Variants in DAB1 observed in about 807,000 individuals in gnomAD.
DAB1 encodes the protein DAB adaptor protein 1.
A neutral mutation model predicts 64.6 loss-of-function variants in DAB1; 15 were observed. The ratio of observed to expected loss-of-function variants is 0.23; its 90% CI spans 0.16 to 0.36. The LOEUF (loss-of-function observed/expected upper bound fraction) is 0.36. Among genes scored for constraint, DAB1 ranks in the 10% least tolerant of loss-of-function variants. DAB1 has a pLI of 1.00. For synonymous variants in DAB1, 235 were observed against 251.9 expected (o/e 0.93, Z 0.64); for missense variants, 596 against 706.7 (o/e 0.84, Z 1.78).
At chr1:57,293,655 T>A (rs1672964222) in intron 1 of DAB1, among the ~76,000 whole-genome samples, 1 of 152,210 alleles carries the variant, frequency 6.6e-6, no homozygotes. Context: ...AATTTTGCTG[T>A]CTCAGGATGA....
chr1:57,357,907 CG>C (rs1679249644), intron 1 of DAB1, among the ~76,000 whole-genome samples: 1 of 151,860 alleles, frequency 6.6e-6, no homozygotes, highest in African/African-American at 2.4e-5. Context: ...ATGGGGATTA[CG>C]GGAACTACAA....
intron 1 of DAB1, among the ~76,000 whole-genome samples, chr1:57,870,107 T>C (rs1643914262): frequency 6.6e-6 from 1 of 152,142 alleles, no homozygotes; most frequent in Non-Finnish European, 1.5e-5. Context: ...ATGGGGGCAA[T>C]CATACCTACC....
chr1:57,695,401 A>G (rs201014058), intron 6 of DAB1, among the ~76,000 whole-genome samples: 2 of 89,840 alleles, frequency 2.2e-5, no homozygotes, highest in African/African-American at 4.0e-5. Flanking sequence ...AGAAAGAAAG[A>G]AAGAAAGAAA....
chr1:57,507,359 A>G (rs1644356199), intron 7 of DAB1, among the ~76,000 whole-genome samples: 1 of 152,176 alleles, frequency 6.6e-6, no homozygotes, highest in Non-Finnish European at 1.5e-5. Flanking sequence ...TGTCCCACTT[A>G]ATCACAAGGT....
At chr1:58,186,976 G>A (rs1657112576) in intron 4 of DAB1, among the ~76,000 whole-genome samples, 2 of 152,144 alleles carry the variant, frequency 1.3e-5, no homozygotes, top group African/African-American at 4.8e-5. Flanking sequence ...GAGTGAGACA[G>A]CACTACTAAA....
chr1:58,430,464 G>T (rs1644859947), intron 3 of DAB1, among the ~76,000 whole-genome samples: 1 of 152,152 alleles, frequency 6.6e-6, no homozygotes, highest in Admixed American at 6.5e-5. Flanking sequence ...AAAAAAGGAG[G>T]ACAAGAAGAA....
At chr1:58,432,478 A>G (rs572249944) in intron 3 of DAB1, among the ~76,000 whole-genome samples, 1 of 152,272 alleles carries the variant, frequency 6.6e-6, no homozygotes, top group African/African-American at 2.4e-5. Flanking sequence ...GAATGAATAA[A>G]TGAGTCAAGA....
rs186896879 is a variant in DAB1 at position 57,097,902 on chromosome 1, C to T, written c.307-25488G>A. Among the ~76,000 whole-genome samples the T allele has an allele frequency of 5.2e-3, 787 of 152,100 alleles. 6 individuals carry two copies. Among genetic ancestry groups the T allele is most frequent in the African/African-American group, 0.018 (749 of 41,498 alleles). On this transcript the variant is annotated intron_variant, in intron 4 of 14. Coordinates refer to ENST00000371236, the MANE Select transcript of DAB1 (RefSeq NM_001365792.1). ...ATGCCATTCTCCTCCCTCAGCCTCC[C>T]GAATAGCTGGGACCACAGGTGTCCA...
intron 5 of DAB1, among the ~76,000 whole-genome samples, chr1:58,025,674 T>G (rs1248624708): frequency 7.0e-6 from 1 of 143,882 alleles, no homozygotes; most frequent in Non-Finnish European, 1.5e-5. Flanking sequence ...TATATATATA[T>G]ATATATATAT....
At chr1:58,264,132 T>C (rs1261880162) in intron 4 of DAB1, among the ~76,000 whole-genome samples, 2 of 152,240 alleles carry the variant, frequency 1.3e-5, no homozygotes, top group African/African-American at 4.8e-5. Context: ...TACTTACCAG[T>C]AGCCATCAAA....
At chr1:57,152,643 A>G (rs1659801982) in intron 2 of DAB1, among the ~76,000 whole-genome samples, 1 of 152,252 alleles carries the variant, frequency 6.6e-6, no homozygotes, top group Non-Finnish European at 1.5e-5. Flanking sequence ...TGCTCAATGA[A>G]TGTTCATAGG....
chr1:57,973,284 G>A (rs1025585375), intron 5 of DAB1, among the ~76,000 whole-genome samples: 1 of 152,150 alleles, frequency 6.6e-6, no homozygotes, highest in Admixed American at 6.6e-5. Flanking sequence ...AAGAGGCAAG[G>A]ACTGCATTCT....
intron 4 of DAB1, among the ~76,000 whole-genome samples, chr1:57,133,744 T>TA (rs1261149833): frequency 2.0e-5 from 3 of 152,122 alleles, no homozygotes; most frequent in East Asian, 3.9e-4. Context: ...TCTTGGTTTT[T>TA]AAAAAAAGTG....
At chr1:58,454,130 G>A (rs892743997) in intron 3 of DAB1, among the ~76,000 whole-genome samples, 1 of 152,112 alleles carries the variant, frequency 6.6e-6, no homozygotes, top group Non-Finnish European at 1.5e-5. Flanking sequence ...GCTTCGACTG[G>A]GCATTCACCT....
intron 2 of DAB1, among the ~76,000 whole-genome samples, chr1:57,150,904 C>A (rs1569603552): frequency 6.6e-6 from 1 of 152,228 alleles, no homozygotes; most frequent in East Asian, 1.9e-4. Flanking sequence ...ACCTGCAATC[C>A]CAGCACTTTG....
At chr1:57,400,455 G>T (rs1683154241) in intron 1 of DAB1, among the ~76,000 whole-genome samples, 1 of 151,762 alleles carries the variant, frequency 6.6e-6, no homozygotes. Context: ...CCCAATAAGT[G>T]CAAAGTAGAT....
chr1:57,777,677 A>C (rs935305470), intron 6 of DAB1, among the ~76,000 whole-genome samples: 10 of 151,862 alleles, frequency 6.6e-5, no homozygotes, highest in Non-Finnish European at 1.3e-4. Flanking sequence ...AGTTTCCTTT[A>C]AGTCTATGAA....
In DAB1 at chr1:57,522,936, C is replaced by G. The variant is rs115047090; in HGVS notation, n.625+126656G>C. ...GTTCTTCGGCTTTTGAACGCTTGGA[C>G]TTACACCAGTGATTTGCCAGGGGCT... On this transcript the variant is annotated intron_variant and non_coding_transcript_variant, in intron 7 of 20. Coordinates refer to the DAB1 transcript ENST00000485760. Among the ~76,000 whole-genome samples, 943 of 152,268 alleles carry G rather than the reference C, an allele frequency of 6.2e-3. 9 individuals carry two copies. Among genetic ancestry groups the G allele is most frequent in the African/African-American group, 0.019 (786 of 41,546 alleles).
intron 9 of DAB1, among the ~76,000 whole-genome samples, chr1:57,032,762 G>C (rs944579391): frequency 6.6e-6 from 1 of 152,202 alleles, no homozygotes; most frequent in African/African-American, 2.4e-5. Flanking sequence ...TTTTGTCCTA[G>C]AGGTTTCCCA....
Sources: allele counts gnomAD v4.1 joint callset (sites outside exome capture counted in the v4.1 genomes callset), GRCh38; gene constraint gnomAD v4.1.1; transcripts MANE v1.5; gene names NCBI Gene and HGNC (gene_info 2026-07-23, HGNC 2026-07-21).